The following CALN1 variants were observed in gnomAD, a reference collection of about 807,000 sequenced individuals.
CALN1 encodes the protein calneuron 1.
Under a neutral mutation model 30.6 loss-of-function variants are expected in CALN1, and 17 were observed. The ratio of observed to expected loss-of-function variants is 0.56; its 90% CI spans 0.38 to 0.83. CALN1 has a LOEUF of 0.83. CALN1 is among the 40% of genes least tolerant of loss of function. The pLI, the probability that CALN1 is intolerant of heterozygous loss-of-function variation, is 0.00. For synonymous variants in CALN1, 156 were observed against 131.4 expected (o/e 1.19, Z -1.28); for missense variants, 291 against 354.9 (o/e 0.82, Z 1.45).
At chr7:72,314,027 C>T (rs973274551) in intron 2 of CALN1, among the ~76,000 whole-genome samples, 9 of 152,284 alleles carry the variant, frequency 5.9e-5, no homozygotes, top group Non-Finnish European at 1.2e-4. Context: ...AGCACATTGC[C>T]CCTATGCCTG....
rs1000468629 is a variant in CALN1 at position 72,364,265 on chromosome 7, T to C, written c.119+38986A>G. On this transcript the variant is annotated intron_variant, in intron 2 of 6. Coordinates refer to ENST00000395275, the MANE Select transcript of CALN1 (RefSeq NM_031468.4). ...TCACAACAGAAATCCCAGTGAGATT[T>C]AGATTAGAATTTGATCAAACAATTC... is the stretch of plus-strand genomic sequence containing the variant. Among the ~76,000 whole-genome samples the C allele has an allele frequency of 3.4e-5, 5 of 147,684 alleles. 1 individual carries two copies. In the South Asian group the frequency reaches 8.8e-4, roughly 26 times the overall value.
At position 71,786,899 on chromosome 7, in the gene CALN1, C is replaced by T. The variant is rs1242641004; in HGVS notation, c.*876G>A. Reference sequence around the variant, plus strand: ...GCAGGGATGAGTGTGGGAGGGAGGACAAGCTTATATTAGGTGTAAGCGATT... The same window carrying T: ...GCAGGGATGAGTGTGGGAGGGAGGATAAGCTTATATTAGGTGTAAGCGATT... On this transcript the variant is annotated 3_prime_UTR_variant, in exon 7 of 7. Transcript: ENST00000395275. 1 of 152,550 alleles carries T rather than the reference C, an allele frequency of 6.6e-6. No homozygotes were observed. The highest frequency in any genetic ancestry group is 1.5e-5 in the Non-Finnish European group (1 of 68,038). 9.4% of individuals were successfully genotyped at this position (152,550 alleles called of 1,614,324 possible). A position where few individuals can be genotyped will look rare whatever the true frequency, so the allele number is the denominator to read the frequency against.
rs372703076 is a variant in CALN1 at position 72,356,476 on chromosome 7, A to G, written c.119+46775T>C. Among the ~76,000 whole-genome samples, 78 of 152,086 alleles carry G rather than the reference A, an allele frequency of 5.1e-4. 2 individuals are homozygous for G. The South Asian group carries it at 0.016, about 30-fold the overall frequency. ...ATTAAAGTGATAAATGTACTAATTT[A>G]GGATATATACCAGTGGGTCAAGGAT... is the stretch of plus-strand genomic sequence containing the variant. On this transcript the variant is annotated intron_variant, in intron 2 of 6. Coordinates refer to ENST00000395275, the MANE Select transcript of CALN1 (RefSeq NM_031468.4).
At chr7:72,311,226 TTTCC>T (rs1562871848) in intron 2 of CALN1, among the ~76,000 whole-genome samples, 1 of 152,186 alleles carries the variant, frequency 6.6e-6, no homozygotes, top group Non-Finnish European at 1.5e-5. Context: ...TTCTATATGG[TTTCC>T]TTAATAACAT....
At chr7:72,143,732 C>T (rs1446535792) in intron 3 of CALN1, among the ~76,000 whole-genome samples, 12 of 152,256 alleles carry the variant, frequency 7.9e-5, no homozygotes, top group South Asian at 6.2e-4. Context: ...AGAGAAAGGT[C>T]GGGTTACCCA....
At chr7:71,847,791 GAAGAA>G (rs1790385294) in intron 5 of CALN1, among the ~76,000 whole-genome samples, 3 of 144,832 alleles carry the variant, frequency 2.1e-5, no homozygotes, top group Non-Finnish European at 4.5e-5. Flanking sequence ...AGAAGAAGAA[GAAGAA>G]AAGAAGAAAA....
At chr7:71,913,214 G>A (rs79261961) in intron 5 of CALN1, among the ~76,000 whole-genome samples, 151 of 152,308 alleles carry the variant, frequency 9.9e-4, no homozygotes, top group African/African-American at 3.3e-3. Flanking sequence ...AGCTGGCCAG[G>A]CCAGGGCATG....
intron 2 of CALN1, among the ~76,000 whole-genome samples, chr7:72,318,520 A>C (rs1800642875): frequency 6.6e-6 from 1 of 152,076 alleles, no homozygotes; most frequent in South Asian, 2.1e-4. Context: ...AGCTCTCCAC[A>C]GTATAGTTAG....
intron 3 of CALN1, among the ~76,000 whole-genome samples, chr7:72,175,045 G>A (rs1356187793): frequency 6.6e-6 from 1 of 151,450 alleles, no homozygotes; most frequent in South Asian, 2.1e-4. Context: ...TATGTGCAGT[G>A]TACTGTATGT....
intron 3 of CALN1, among the ~76,000 whole-genome samples, chr7:72,212,518 T>C (rs1005446712): frequency 6.6e-6 from 1 of 152,144 alleles, no homozygotes; most frequent in Non-Finnish European, 1.5e-5. Flanking sequence ...ACGACCTATC[T>C]TAATATTCAG....
At chr7:71,804,195 C>G (rs1787471599) in intron 6 of CALN1, among the ~76,000 whole-genome samples, 1 of 152,058 alleles carries the variant, frequency 6.6e-6, no homozygotes. Context: ...AAAATTCAGA[C>G]AAATGAAAAA....
At chr7:72,250,889 T>C (rs1259269924) in intron 3 of CALN1, among the ~76,000 whole-genome samples, 2 of 152,134 alleles carry the variant, frequency 1.3e-5, no homozygotes, top group Non-Finnish European at 2.9e-5. Context: ...CAGGTATCCC[T>C]ATATAGCAAT....
intron 3 of CALN1, among the ~76,000 whole-genome samples, chr7:72,253,441 G>A (rs942963914): frequency 2.0e-5 from 3 of 152,186 alleles, no homozygotes; most frequent in Non-Finnish European, 4.4e-5. Context: ...ATTTATAAAG[G>A]AAAGCAGTTT....
At chr7:71,828,233 A>T (rs1446223195) in intron 5 of CALN1, among the ~76,000 whole-genome samples, 1 of 152,122 alleles carries the variant, frequency 6.6e-6, no homozygotes, top group Non-Finnish European at 1.5e-5. Context: ...CACCAGCTTG[A>T]TCTGACCCGC....
chr7:72,030,197 A>G (rs1312284471), intron 4 of CALN1, among the ~76,000 whole-genome samples: 2 of 152,030 alleles, frequency 1.3e-5, no homozygotes, highest in Non-Finnish European at 2.9e-5. Flanking sequence ...GTATTGGGAA[A>G]ACAGTCTTCT....
intron 3 of CALN1, among the ~76,000 whole-genome samples, chr7:72,257,323 A>C (rs185086655): frequency 6.6e-6 from 1 of 152,306 alleles, no homozygotes; most frequent in East Asian, 1.9e-4. Context: ...CAGCCAAACC[A>C]TATCACCCCA....
chr7:71,850,357 A>G (rs1790566476), intron 5 of CALN1, among the ~76,000 whole-genome samples: 1 of 151,742 alleles, frequency 6.6e-6, no homozygotes, highest in Non-Finnish European at 1.5e-5. Flanking sequence ...CTGGGATTAC[A>G]GGCGCATACC....
chr7:72,406,573 T>A (rs1488496179), intron 1 of CALN1, among the ~76,000 whole-genome samples: 2 of 151,796 alleles, frequency 1.3e-5, no homozygotes, highest in Non-Finnish European at 2.9e-5. Context: ...TGAAGTTAGA[T>A]CTCTGGGCTA....
chr7:72,299,969 C>T (rs1799144680), intron 2 of CALN1, among the ~76,000 whole-genome samples: 1 of 152,030 alleles, frequency 6.6e-6, no homozygotes, highest in Non-Finnish European at 1.5e-5. Context: ...ACGATCTCTG[C>T]CTCCCCGGTT....
Sources: allele counts gnomAD v4.1 joint callset (sites outside exome capture counted in the v4.1 genomes callset), GRCh38; gene constraint gnomAD v4.1.1; transcripts MANE v1.5; gene names NCBI Gene and HGNC (gene_info 2026-07-23, HGNC 2026-07-21).